The following CSMD3 variants were observed in gnomAD, a reference collection of about 807,000 sequenced individuals.
The protein encoded by CSMD3 is CUB and Sushi multiple domains 3, also known as CUB and sushi domain-containing protein 3.
Under a neutral mutation model 435.2 loss-of-function variants are expected in CSMD3, and 177 were observed. The observed-to-expected ratio is 0.41, with a 90% confidence interval of 0.36 to 0.46. The LOEUF is 0.46. Ranked by LOEUF, CSMD3 falls within the 20% of genes least tolerant of loss-of-function variation. The pLI is 0.34. For missense variants in CSMD3, 4,265 were observed against 4,504.6 expected (o/e 0.95, Z 1.52); for synonymous variants, 1,656 against 1,520.5 (o/e 1.09, Z -2.07).
intron 27 of CSMD3, among the ~76,000 whole-genome samples, chr8:112,525,767 TA>T (rs995679362): frequency 7.1e-5 from 10 of 141,514 alleles, no homozygotes; most frequent in South Asian, 2.2e-4. Context: ...TATATATATA[TA>T]TATTTATATG....
intron 59 of CSMD3, among the ~76,000 whole-genome samples, chr8:112,271,891 T>C (rs570736711): frequency 6.6e-6 from 1 of 152,300 alleles, no homozygotes; most frequent in African/African-American, 2.4e-5. Flanking sequence ...CCCAATTCCA[T>C]AGTATTAAAA....
chr8:112,808,154 G>A (rs1329628959), intron 12 of CSMD3, among the ~76,000 whole-genome samples: 2 of 152,114 alleles, frequency 1.3e-5, no homozygotes, highest in African/African-American at 4.8e-5. Flanking sequence ...AGTGGCAGTT[G>A]GATTTCATAG....
intron 27 of CSMD3, among the ~76,000 whole-genome samples, chr8:112,532,832 T>A (rs186819556): frequency 6.6e-5 from 10 of 152,274 alleles, no homozygotes; most frequent in Non-Finnish European, 1.5e-5. Context: ...TGTGTAACAC[T>A]TGTGTCTTTA....
At chr8:112,237,168 G>A (rs568492320) in intron 67 of CSMD3, 22 bp downstream of exon 67, 52 of 1,611,338 alleles carry the variant, frequency 3.2e-5, no homozygotes, top group South Asian at 3.1e-4. Context: ...GGTATATTTC[G>A]CTGCTGTTTT....
intron 13 of CSMD3, among the ~76,000 whole-genome samples, chr8:112,766,445 G>A (rs192552847): frequency 6.6e-6 from 1 of 151,370 alleles, no homozygotes; most frequent in Admixed American, 6.6e-5. Context: ...CTAAGCACTT[G>A]AATTTGTTAA....
chr8:113,331,752 AAT>A (rs1169926128), intron 1 of CSMD3, among the ~76,000 whole-genome samples: 1 of 151,688 alleles, frequency 6.6e-6, no homozygotes, highest in East Asian at 1.9e-4. Context: ...AAAACCACTC[AAT>A]AAACTAAAAA....
intron 3 of CSMD3, among the ~76,000 whole-genome samples, chr8:113,205,946 A>T (rs1427137448): frequency 1.3e-5 from 2 of 152,000 alleles, no homozygotes. Context: ...TGTAGAATAG[A>T]AGCTGAAAAT....
intron 3 of CSMD3, among the ~76,000 whole-genome samples, chr8:113,228,297 T>C (rs766226980): frequency 3.3e-5 from 5 of 151,568 alleles, no homozygotes; most frequent in Non-Finnish European, 5.9e-5. Context: ...AAGGTAAAGA[T>C]AATAAAAGTA....
intron 30 of CSMD3, among the ~76,000 whole-genome samples, chr8:112,502,315 C>T (rs1822050338): frequency 6.6e-6 from 1 of 152,228 alleles, no homozygotes; most frequent in South Asian, 2.1e-4. Flanking sequence ...CCAAACCTCA[C>T]TGTCTGTGCC....
chr8:112,816,065 TAC>T (rs2079366445), intron 12 of CSMD3, among the ~76,000 whole-genome samples: 1 of 152,122 alleles, frequency 6.6e-6, no homozygotes, highest in African/African-American at 2.4e-5. Flanking sequence ...TAGGTGGGAC[TAC>T]AGAGCTCTAC....
chr8:113,076,841 A>G (rs1256008427), intron 5 of CSMD3, among the ~76,000 whole-genome samples: 1 of 152,184 alleles, frequency 6.6e-6, no homozygotes, highest in Non-Finnish European at 1.5e-5. Context: ...ATGTCACTGG[A>G]AGCACAAAGA....
intron 5 of CSMD3, among the ~76,000 whole-genome samples, chr8:113,076,736 A>G (rs908424244): frequency 6.6e-6 from 1 of 152,164 alleles, no homozygotes; most frequent in African/African-American, 2.4e-5. Flanking sequence ...GATTCCAAAT[A>G]GAAGGATGGC....
chr8:113,188,396 G>T (rs1176126333), intron 3 of CSMD3, among the ~76,000 whole-genome samples: 1 of 151,958 alleles, frequency 6.6e-6, no homozygotes, highest in Non-Finnish European at 1.5e-5. Flanking sequence ...AGGAAAATAT[G>T]AGAAATCTCA....
At chr8:113,214,173 T>C (rs1051078745) in intron 3 of CSMD3, among the ~76,000 whole-genome samples, 2 of 152,036 alleles carry the variant, frequency 1.3e-5, no homozygotes, top group African/African-American at 4.8e-5. Flanking sequence ...GGGGGATTCT[T>C]TTCTGTTCAT....
chr8:113,376,624 T>C, intron 1 of CSMD3: 2 of 1,194,326 alleles, frequency 1.7e-6, no homozygotes, highest in Middle Eastern at 2.1e-4. Context: ...AAAAGAAAGT[T>C]TACCACTCTC....
At chr8:112,932,631 AAAAAAAG>A (rs1202312733) in intron 9 of CSMD3, among the ~76,000 whole-genome samples, 1 of 152,032 alleles carries the variant, frequency 6.6e-6, no homozygotes, top group African/African-American at 2.4e-5. Context: ...GAGCGAGAAA[AAAAAAAG>A]AAAAAAGAAA....
intron 10 of CSMD3, among the ~76,000 whole-genome samples, chr8:112,896,147 C>T (rs544746653): frequency 6.6e-6 from 1 of 151,330 alleles, no homozygotes; most frequent in Admixed American, 6.6e-5. Context: ...GGCTCCAGAG[C>T]TTTTACTTGG....
At chr8:112,774,211 T>C (rs1397100651) in intron 13 of CSMD3, among the ~76,000 whole-genome samples, 1 of 152,020 alleles carries the variant, frequency 6.6e-6, no homozygotes, top group Admixed American at 6.6e-5. Context: ...AATGATGCCT[T>C]ATAATTTTCT....
intron 10 of CSMD3, among the ~76,000 whole-genome samples, chr8:112,903,582 A>G (rs2082168520): frequency 6.6e-6 from 1 of 150,976 alleles, no homozygotes; most frequent in Non-Finnish European, 1.5e-5. Flanking sequence ...TTGTTTTTTC[A>G]GAATTACCCC....
Sources: gnomAD v4.1 joint callset for allele counts (sites outside exome capture counted in the v4.1 genomes callset) on GRCh38, gnomAD v4.1.1 for gene constraint, MANE v1.5 for transcripts, NCBI Gene and HGNC (gene_info 2026-07-23, HGNC 2026-07-21) for gene names.